The following CMYA5 variants were observed in gnomAD, a reference collection of about 807,000 sequenced individuals.
CMYA5 encodes cardiomyopathy-associated protein 5.
In CMYA5, 246 loss-of-function variants were observed where a neutral mutation model predicts 318.9. The observed-to-expected ratio is 0.77, with a 90% CI of 0.70 to 0.86. The LOEUF is 0.86. Among genes scored for constraint, CMYA5 ranks in the 40% least tolerant of loss-of-function variants. CMYA5 has a pLI of 0.00. For missense variants in CMYA5, 4,589 were observed against 4,678.2 expected (o/e 0.98, Z 0.56); for synonymous variants, 1,641 against 1,729.5 (o/e 0.95, Z 1.27).
At chr5:79,705,077 C>T (rs1379524733) in intron 1 of CMYA5, among the ~76,000 whole-genome samples, 1 of 151,638 alleles carries the variant, frequency 6.6e-6, no homozygotes, top group Non-Finnish European at 1.5e-5. Context: ...TCGAGACCAG[C>T]CGGGCCTAGT....
In CMYA5 at chr5:79,738,501, G is replaced by A; in HGVS notation, c.9736G>A (p.Asp3246Asn). Residue 3246 changes from aspartate to asparagine, a missense_variant, in exon 2 of 13, where the codon GAC becomes AAC. By Grantham distance (23) the Asp-to-Asn change is conservative. Transcript: ENST00000446378. ...IYFEKYILKDDILHDTSLTQK... is the reference protein window; with the variant it reads ...IYFEKYILKDNILHDTSLTQK... ...TTTTGAGAAGTACATACTCAAAGATGACATTCTCCATGACACATCTCTAAC... is the reference window on the plus strand; with the variant it reads ...TTTTGAGAAGTACATACTCAAAGATAACATTCTCCATGACACATCTCTAAC... The A allele has an allele frequency of 6.2e-7, 1 of 1,613,448 alleles. No individual in the cohort carries two copies. The highest frequency in any genetic ancestry group is 8.5e-7 in the Non-Finnish European group (1 of 1,179,862).
intron 9 of CMYA5, among the ~76,000 whole-genome samples, chr5:79,775,844 G>A (rs1283436093): frequency 6.6e-6 from 1 of 152,182 alleles, no homozygotes; most frequent in African/African-American, 2.4e-5. Context: ...TTGCCTGTGT[G>A]ACTGTGGAGG....
At chr5:79,770,173 A>G (rs1289395403) in intron 9 of CMYA5, among the ~76,000 whole-genome samples, 1 of 152,230 alleles carries the variant, frequency 6.6e-6, no homozygotes, top group East Asian at 1.9e-4. Flanking sequence ...CGAGCATTCC[A>G]GATTGACTTC....
chr5:79,692,964 C>T (rs1255176281), intron 1 of CMYA5, among the ~76,000 whole-genome samples: 1 of 152,294 alleles, frequency 6.6e-6, no homozygotes, highest in East Asian at 1.9e-4. Context: ...TTACTGTCCT[C>T]ATATTCACCT....
Position 79,789,123 on chromosome 5 carries a change from A to G in CMYA5, c.11689+19A>G. 6.2e-7 allele frequency: 1 copy of G among 1,612,422 alleles called. No homozygotes were observed. The highest frequency in any genetic ancestry group is 1.1e-5 in the South Asian group (1 of 90,612). On this transcript the variant is annotated intron_variant, in intron 10 of 12. Transcript: ENST00000446378. Reference sequence around the variant, plus strand: ...ACCAGAGGTACTTTCTCCTTTGCACACAGTGAGCTATTTCCAAGCTATTTC... The same window carrying G: ...ACCAGAGGTACTTTCTCCTTTGCACGCAGTGAGCTATTTCCAAGCTATTTC...
rs565854430 is a variant in CMYA5 at position 79,776,613 on chromosome 5, G to A, written c.11556-12358G>A. On this transcript the variant is annotated intron_variant, in intron 9 of 12. Transcript: ENST00000446378. ...ATTCAAAGGCCCCTCTTAAGATTCC[G>A]ATTCAGAAGATCTAATATGCCCAGG... Among the ~76,000 whole-genome samples the A allele has an allele frequency of 1.4e-4, 22 of 152,086 alleles. No individual in the cohort carries two copies. The South Asian group carries it at 3.7e-3, about 26-fold the overall frequency.
intron 1 of CMYA5, among the ~76,000 whole-genome samples, chr5:79,717,143 C>A (rs1827534832): frequency 6.6e-6 from 1 of 152,148 alleles, no homozygotes; most frequent in Non-Finnish European, 1.5e-5. Context: ...TACTAAGGAT[C>A]AGTTGTGATT....
intron 12 of CMYA5, among the ~76,000 whole-genome samples, chr5:79,797,774 C>A (rs1354108271): frequency 6.6e-6 from 1 of 152,200 alleles, no homozygotes; most frequent in East Asian, 1.9e-4. Context: ...AAAAGTCACC[C>A]CCATGTCCTG....
intron 12 of CMYA5, among the ~76,000 whole-genome samples, chr5:79,797,709 T>C (rs906035457): frequency 2.0e-5 from 3 of 152,174 alleles, no homozygotes; most frequent in Non-Finnish European, 4.4e-5. Flanking sequence ...GCTACTATAT[T>C]AGACAGGGCA....
At chr5:79,774,930 A>G (rs1311670811) in intron 9 of CMYA5, among the ~76,000 whole-genome samples, 1 of 152,154 alleles carries the variant, frequency 6.6e-6, no homozygotes, top group African/African-American at 2.4e-5. Context: ...CTTCAGATGG[A>G]TAGGTGATGA....
chr5:79,716,790 G>A (rs896316634), intron 1 of CMYA5, among the ~76,000 whole-genome samples: 1 of 152,116 alleles, frequency 6.6e-6, no homozygotes, highest in Admixed American at 6.5e-5. Flanking sequence ...TTTGTTTTAC[G>A]GTGGAGCTAC....
chr5:79,791,108 A>C (rs371558016), intron 11 of CMYA5, 39 bp downstream of exon 11: 1 of 1,435,268 alleles, frequency 7.0e-7, no homozygotes, highest in Non-Finnish European at 9.8e-7. Context: ...CTGATGGCCC[A>C]GCAGTAGGGT....
At chr5:79,789,572 G>A (rs191069162) in intron 10 of CMYA5, among the ~76,000 whole-genome samples, 1 of 152,094 alleles carries the variant, frequency 6.6e-6, no homozygotes, top group East Asian at 1.9e-4. Context: ...TTACAGGCAC[G>A]TCCACCATGC....
rs371564021 is a variant in CMYA5 at position 79,777,507 on chromosome 5, C to T, written c.11556-11464C>T. ...AAATTTTAGGCCAGGTGTGATGGCT[C>T]ATGTCTGTAACCCCAGCACTTTGGG... On this transcript the variant is annotated intron_variant, in intron 9 of 12. Transcript: ENST00000446378. Among the ~76,000 whole-genome samples the T allele has an allele frequency of 4.5e-4, 69 of 152,274 alleles. 1 individual carries two copies. The South Asian group carries it at 0.01, about 22-fold the overall frequency.
chr5:79,776,860 C>T (rs868267994), intron 9 of CMYA5, among the ~76,000 whole-genome samples: 1 of 152,194 alleles, frequency 6.6e-6, no homozygotes, highest in Non-Finnish European at 1.5e-5. Context: ...CTAGGAATCA[C>T]GGCACTGGAT....
chr5:79,736,797 G>A lies in CMYA5; in HGVS notation c.8032G>A (p.Glu2678Lys). The A allele has an allele frequency of 6.2e-7, 1 of 1,612,588 alleles. No homozygotes were observed. Among genetic ancestry groups the A allele is most frequent in the Non-Finnish European group, 8.5e-7 (1 of 1,179,680 alleles). ...DHSEEKEQFR[E>K]SELSKGGSVD... ...CAGTGAAGAAAAAGAACAGTTCAGAGAGTCAGAGCTATCGAAAGGCGGTTC... is the reference window on the plus strand; with the variant it reads ...CAGTGAAGAAAAAGAACAGTTCAGAAAGTCAGAGCTATCGAAAGGCGGTTC... The change falls in exon 2 of 13, where the codon GAG (glutamate) becomes AAG (lysine). Residue 2678 changes from glutamate (E) to lysine (K), a missense_variant. Around this residue, in one of 3 missense-constraint regions of CMYA5, gnomAD observed 2,431 missense variants for 2,495.1 expected, o/e 0.97. Coordinates refer to ENST00000446378, the MANE Select transcript of CMYA5 (RefSeq NM_153610.5).
intron 6 of CMYA5, among the ~76,000 whole-genome samples, chr5:79,758,480 C>T (rs191074298): frequency 2.5e-4 from 38 of 151,640 alleles, no homozygotes; most frequent in Admixed American, 5.2e-4. Flanking sequence ...TGCAGTGAGC[C>T]GAGATCGTGC....
rs755860704 is a variant in CMYA5, at chr5:79,689,981, A to G, written c.74A>G (p.Glu25Gly). ...GSDGDEEATR[E>G]LETEEESEGE... ...GACGGGGACGAGGAGGCGACCCGGG[A>G]GCTGGAGACCGAGGAGGAGTCGGAG... Residue 25 changes from glutamate to glycine, a missense_variant, in exon 1 of 13, where the codon GAG (glutamate) becomes GGG (glycine). By Grantham distance (98) the Glu-to-Gly change is moderately conservative. Around this residue, in one of 3 missense-constraint regions of CMYA5, gnomAD observed 2,132 missense variants for 2,131.3 expected, o/e 1.00. Transcript: ENST00000446378. 1.4e-6 allele frequency: 2 copies of G among 1,387,988 alleles called. No homozygotes were observed. Among genetic ancestry groups the G allele is most frequent in the South Asian group, 1.3e-5 (1 of 79,586 alleles). The allele number at this position is 1,387,988 out of a possible 1,614,324, so 86.0% of individuals were successfully genotyped here.
Position 79,738,611 on chromosome 5 carries a change from T to A in CMYA5, c.9846T>A (p.Ile3282=), listed in dbSNP as rs1200648353. 6.2e-7 allele frequency: 1 copy of A among 1,613,574 alleles called. No individual in the cohort carries two copies. The highest frequency in any genetic ancestry group is 2.2e-5 in the East Asian group (1 of 44,874). Residue 3282 remains isoleucine, a synonymous_variant, in exon 2 of 13, where the codon ATT becomes ATA. Transcript: ENST00000446378. ...AACCGATAGCTGCAGAAGGGGAAAT[T>A]TGGGGAAAGTTTGGAACTATTTGCA... is the stretch of plus-strand genomic sequence containing the variant. ...SYQPIAAEGE[I]WGKFGTICRE... is the part of the protein sequence containing the mutation.
Sources: allele counts gnomAD v4.1 joint callset (sites outside exome capture counted in the v4.1 genomes callset), GRCh38; gene constraint gnomAD v4.1.1; regional missense constraint gnomAD v4.1.1; transcripts MANE v1.5; gene names NCBI Gene and HGNC (gene_info 2026-07-23, HGNC 2026-07-21).